The following ENOX1 variants were observed in gnomAD, a reference collection of about 807,000 sequenced individuals.
ENOX1 encodes the protein ecto-NOX disulfide-thiol exchanger 1.
A neutral mutation model predicts 82.5 loss-of-function variants in ENOX1; 42 were observed. That is an observed-to-expected ratio of 0.51 (90% CI 0.40 to 0.66). The LOEUF is 0.66. Among genes scored for constraint, ENOX1 ranks in the 30% least tolerant of loss-of-function variants. ENOX1 has a pLI of 0.00. For missense variants in ENOX1, 608 were observed against 811.6 expected (o/e 0.75, Z 3.05); for synonymous variants, 271 against 282.2 (o/e 0.96, Z 0.40).
At chr13:43,742,540 G>C (rs1949798559) in intron 1 of ENOX1, among the ~76,000 whole-genome samples, 2 of 152,120 alleles carry the variant, frequency 1.3e-5, no homozygotes, top group African/African-American at 2.4e-5. Flanking sequence ...ACATTGGTGA[G>C]AGCCATCTTC....
chr13:43,325,545 C>G (rs994342343), intron 10 of ENOX1, among the ~76,000 whole-genome samples: 2 of 152,064 alleles, frequency 1.3e-5, no homozygotes, highest in African/African-American at 4.8e-5. Context: ...ATATAAAATA[C>G]TTATTTTACA....
intron 2 of ENOX1, among the ~76,000 whole-genome samples, chr13:43,595,254 G>A (rs2081412594): frequency 6.6e-6 from 1 of 151,784 alleles, no homozygotes. Flanking sequence ...TAGAGTAATA[G>A]CAGGTAGAAC....
chr13:43,725,704 T>G (rs5019570), intron 1 of ENOX1, among the ~76,000 whole-genome samples: 20,986 of 151,410 alleles, frequency 0.14, 2,916 homozygotes, highest in African/African-American at 0.35. Context: ...GGTGACTCAC[T>G]CCTGTAATCC....
intron 3 of ENOX1, among the ~76,000 whole-genome samples, chr13:43,435,253 C>A (rs2055948347): frequency 6.6e-6 from 1 of 152,132 alleles, no homozygotes; most frequent in African/African-American, 2.4e-5. Flanking sequence ...ATGGAGCACT[C>A]CACGCTGGGA....
intron 2 of ENOX1, among the ~76,000 whole-genome samples, chr13:43,581,195 G>C (rs963451244): frequency 2.8e-5 from 4 of 143,020 alleles, no homozygotes; most frequent in Admixed American, 1.4e-4. Flanking sequence ...TGCAGTGGCG[G>C]GATCTCGGCT....
intron 2 of ENOX1, among the ~76,000 whole-genome samples, chr13:43,501,792 C>CAAA (rs201805701): frequency 6.4e-5 from 8 of 125,610 alleles, no homozygotes; most frequent in Non-Finnish European, 1.3e-4. Flanking sequence ...CCTACCTTAA[C>CAAA]AAAAAAAAAA....
chr13:43,247,883 A>ATATAT (rs1566330073), intron 14 of ENOX1, among the ~76,000 whole-genome samples: 2 of 14,648 alleles, frequency 1.4e-4, no homozygotes, highest in Non-Finnish European at 1.8e-4. Context: ...ATATATATAT[A>ATATAT]TTTTTTTTTT....
intron 1 of ENOX1, among the ~76,000 whole-genome samples, chr13:43,728,132 GGA>G (rs1275950263): frequency 1.3e-5 from 2 of 152,024 alleles, no homozygotes; most frequent in Non-Finnish European, 2.9e-5. Flanking sequence ...CTTCTTCTCT[GGA>G]GAGAGGTGAA....
intron 5 of ENOX1, among the ~76,000 whole-genome samples, chr13:43,400,036 C>T (rs1053605716): frequency 6.6e-6 from 1 of 152,034 alleles, no homozygotes; most frequent in Non-Finnish European, 1.5e-5. Flanking sequence ...AATGCTCATG[C>T]CTTCTTTGTG....
In ENOX1 at chr13:43,550,992, T is replaced by G. The variant is rs983330072; in HGVS notation, c.-218-66840A>C. Among the ~76,000 whole-genome samples, 4 of 152,198 alleles carry G rather than the reference T, an allele frequency of 2.6e-5. No individual in the cohort carries two copies. In the East Asian group the frequency reaches 7.7e-4, roughly 29 times the overall value. ...TTAGAGAGCAAAACCCTGGTGTCAT[T>G]GTGCTTTTTCCCAGTAACATCTTTC... On this transcript the variant is annotated intron_variant, in intron 2 of 16. Coordinates refer to ENST00000690772, the MANE Select transcript of ENOX1 (RefSeq NM_001347969.2).
chr13:43,316,899 C>T (rs1158891126), intron 11 of ENOX1, among the ~76,000 whole-genome samples: 1 of 152,192 alleles, frequency 6.6e-6, no homozygotes, highest in East Asian at 1.9e-4. Flanking sequence ...CATCTTTAAG[C>T]CACATTAGTT....
intron 2 of ENOX1, among the ~76,000 whole-genome samples, chr13:43,541,171 C>CTTTTTTTTTTTTTTTT (rs1555317884): frequency 8.3e-4 from 32 of 38,724 alleles, no homozygotes; most frequent in South Asian, 2.2e-3. Context: ...CTTCTTCCCT[C>CTTTTTTTTTTTTTTTT]TGTTTTTTTT....
chr13:43,750,392 C>T (rs907788945), intron 1 of ENOX1, among the ~76,000 whole-genome samples: 39 of 152,164 alleles, frequency 2.6e-4, no homozygotes, highest in Admixed American at 6.5e-4. Flanking sequence ...GGATTAATAG[C>T]TGCCCTAACA....
In ENOX1 at chr13:43,248,131, C is replaced by T. The variant is rs565513697; in HGVS notation, c.1612-11393G>A. ...CGATCTCCTGACCTCGTGATCCGCC[C>T]GCCTCGGCCTCCCAAAGTGCTGGGA... is the stretch of plus-strand genomic sequence containing the variant. On this transcript the variant is annotated intron_variant, in intron 14 of 16. Coordinates refer to ENST00000690772, the MANE Select transcript of ENOX1 (RefSeq NM_001347969.2). Among the ~76,000 whole-genome samples the T allele has an allele frequency of 1.6e-4, 24 of 151,070 alleles. No individual in the cohort carries two copies. In the South Asian group the frequency reaches 4.0e-3, roughly 25 times the overall value.
chr13:43,743,264 A>T (rs899474576), intron 1 of ENOX1, among the ~76,000 whole-genome samples: 9 of 152,176 alleles, frequency 5.9e-5, no homozygotes, highest in African/African-American at 2.2e-4. Context: ...CTTCTTAGAG[A>T]CATCATGACT....
chr13:43,255,934 C>A (rs913690367), intron 14 of ENOX1, among the ~76,000 whole-genome samples: 1 of 152,004 alleles, frequency 6.6e-6, no homozygotes, highest in Non-Finnish European at 1.5e-5. Context: ...CCACAGTAAC[C>A]AAAACAGCAT....
intron 1 of ENOX1, among the ~76,000 whole-genome samples, chr13:43,706,458 A>G (rs2087291439): frequency 1.3e-5 from 2 of 152,046 alleles, no homozygotes; most frequent in African/African-American, 4.8e-5. Flanking sequence ...AAAAAGAAAA[A>G]TCACAAACCA....
intron 16 of ENOX1, among the ~76,000 whole-genome samples, chr13:43,220,075 A>AG (rs891509913): frequency 2.0e-5 from 3 of 152,144 alleles, no homozygotes; most frequent in Non-Finnish European, 4.4e-5. Context: ...GGGCAAAGGG[A>AG]GGGGAGGAAG....
chr13:43,231,849 C>T (rs1163385238), intron 15 of ENOX1, among the ~76,000 whole-genome samples: 1 of 152,186 alleles, frequency 6.6e-6, no homozygotes, highest in African/African-American at 2.4e-5. Flanking sequence ...ATCAGGCCAG[C>T]GTTTCTCAAA....
Sources: allele counts gnomAD v4.1 joint callset (sites outside exome capture counted in the v4.1 genomes callset), GRCh38; gene constraint gnomAD v4.1.1; transcripts MANE v1.5; gene names NCBI Gene and HGNC (gene_info 2026-07-23, HGNC 2026-07-21).